The following MYO1E variants were observed in gnomAD, a reference collection of about 807,000 sequenced individuals.
MYO1E encodes the protein unconventional myosin-Ie.
A neutral mutation model predicts 151.1 loss-of-function variants in MYO1E; 68 were observed. The observed-to-expected ratio is 0.45, with a 90% CI of 0.37 to 0.55. MYO1E has a LOEUF of 0.55. MYO1E is among the 20% of genes least tolerant of loss of function. The pLI is 0.00. For missense variants in MYO1E, 1,363 were observed against 1,389.3 expected (o/e 0.98, Z 0.30); for synonymous variants, 601 against 501.7 (o/e 1.20, Z -2.64).
intron 17 of MYO1E, among the ~76,000 whole-genome samples, chr15:59,192,364 T>A (rs1245234987): frequency 6.6e-6 from 1 of 152,112 alleles, no homozygotes; most frequent in Admixed American, 6.5e-5. Context: ...GAATAAAATG[T>A]ACCACTCATT....
intron 14 of MYO1E, chr15:59,207,030 G>A (rs768447612): frequency 2.5e-6 from 4 of 1,614,120 alleles, no homozygotes; most frequent in South Asian, 1.1e-5. Context: ...CCCTGTGTCC[G>A]CGTCAAGCAA....
At chr15:59,206,831 C>T (rs1292107643) in intron 14 of MYO1E, 2 of 1,127,586 alleles carry the variant, frequency 1.8e-6, no homozygotes, top group African/African-American at 1.6e-5. Flanking sequence ...GCGGGGCACG[C>T]GCACCTGCCG....
In MYO1E at chr15:59,132,610, A is replaced by G. The variant is rs1333591061; in HGVS notation, c.*4770T>C. 6.6e-6 allele frequency: 1 copy of G among 152,236 alleles called. No homozygotes were observed. The highest frequency in any genetic ancestry group is 1.5e-5 in the Non-Finnish European group (1 of 68,048). The allele number at this position is 152,236 out of a possible 1,614,324, so 9.4% of individuals were successfully genotyped here. ...TGGCAGAAGTAGAAACCATATCATA[A>G]AAACACGGAAATTAAAAATGAGATG... is the stretch of plus-strand genomic sequence containing the variant. On this transcript the variant is annotated 3_prime_UTR_variant, in exon 28 of 28. Transcript: ENST00000288235.
intron 25 of MYO1E, among the ~76,000 whole-genome samples, chr15:59,155,642 G>C (rs2079505540): frequency 6.6e-6 from 1 of 152,142 alleles, no homozygotes; most frequent in African/African-American, 2.4e-5. Flanking sequence ...TTCTCCACTG[G>C]AACCAGCGCA....
rs1362146325 is a variant in MYO1E at position 59,133,206 on chromosome 15, C to T, written c.*4174G>A. On this transcript the variant is annotated 3_prime_UTR_variant, in exon 28 of 28. Coordinates refer to ENST00000288235, the MANE Select transcript of MYO1E (RefSeq NM_004998.4). ...GACCAGCTGGGCAACACAGGGAGACCCCATCTGTACAAATAATTAGCCGAA... is the reference window on the plus strand; with the variant it reads ...GACCAGCTGGGCAACACAGGGAGACTCCATCTGTACAAATAATTAGCCGAA... 2 of 152,080 alleles carry T rather than the reference C, an allele frequency of 1.3e-5. No individual in the cohort carries two copies. Among genetic ancestry groups the T allele is most frequent in the African/African-American group, 4.8e-5 (2 of 41,420 alleles). The allele number at this position is 152,080 out of a possible 1,614,324, so 9.4% of individuals were successfully genotyped here.
At chr15:59,298,583 C>T (rs947923918) in intron 1 of MYO1E, among the ~76,000 whole-genome samples, 2 of 152,214 alleles carry the variant, frequency 1.3e-5, no homozygotes, top group African/African-American at 4.8e-5. Context: ...TTTCCTCCCT[C>T]GGGGTGCCTG....
chr15:59,209,813 ACCTTTTTTTTTTTT>A (rs1368447844), intron 13 of MYO1E, among the ~76,000 whole-genome samples: 5 of 71,184 alleles, frequency 7.0e-5, no homozygotes, highest in Admixed American at 1.5e-4. Flanking sequence ...ATTTTGAATC[ACCTTTTTTTTTTTT>A]TTTTTTTTTT....
chr15:59,346,263 G>A (rs1401411358), intron 1 of MYO1E, among the ~76,000 whole-genome samples: 4 of 152,128 alleles, frequency 2.6e-5, no homozygotes, highest in Non-Finnish European at 5.9e-5. Flanking sequence ...ACTGCAGGCT[G>A]TGTCCCACCA....
At position 59,313,427 on chromosome 15, in the gene MYO1E, C is replaced by T. The variant is rs185765282; in HGVS notation, c.4-40978G>A. ...TGGGACAAGAAATCTTCTGTACTAA[C>T]GATAAAGTGACTTAATTGTGGTTAT... On this transcript the variant is annotated intron_variant, in intron 1 of 27. Transcript: ENST00000288235. 2.3e-4 allele frequency among the ~76,000 whole-genome samples: 35 copies of T among 152,240 alleles called. No homozygotes were observed. The East Asian group carries it at 2.5e-3, about 11-fold the overall frequency.
At chr15:59,262,202 T>C (rs1187989767) in intron 2 of MYO1E, among the ~76,000 whole-genome samples, 1 of 145,590 alleles carries the variant, frequency 6.9e-6, no homozygotes, top group East Asian at 2.3e-4. Context: ...GTGAGACTCT[T>C]GTCTCCAAAA....
chr15:59,172,017 G>T lies in MYO1E; in HGVS notation c.2360C>A (p.Thr787Asn). The T allele has an allele frequency of 6.2e-7, 1 of 1,614,194 alleles. No individual in the cohort carries two copies. The highest frequency in any genetic ancestry group is 1.3e-5 in the African/African-American group (1 of 75,056). ...TCCGATTAAGTACAAGCACTTTGGG[G>T]TAAGGAGCAGGTCTCGCTTTACACC... ...FKGVKRDLLL[T>N]PKCLYLIGRE... The change falls in exon 22 of 28, where the codon ACC becomes AAC. Residue 787 changes from threonine (T) to asparagine (N), a missense_variant. Physicochemically the swap from Thr to Asn is moderately conservative, Grantham distance 65. Coordinates refer to ENST00000288235, the MANE Select transcript of MYO1E (RefSeq NM_004998.4).
chr15:59,202,066 T>G (rs1019505005), intron 16 of MYO1E, among the ~76,000 whole-genome samples: 16 of 152,350 alleles, frequency 1.1e-4, no homozygotes, highest in Non-Finnish European at 1.9e-4. Context: ...AGCCATTTCC[T>G]CTTAGAAAGT....
intron 26 of MYO1E, among the ~76,000 whole-genome samples, chr15:59,148,671 T>G (rs1026061107): frequency 1.3e-5 from 2 of 152,150 alleles, no homozygotes; most frequent in Admixed American, 6.5e-5. Context: ...TTGATGGAAA[T>G]TTTAAGCCCC....
At chr15:59,364,408 G>A (rs1302131753) in intron 1 of MYO1E, among the ~76,000 whole-genome samples, 4 of 152,182 alleles carry the variant, frequency 2.6e-5, no homozygotes, top group Non-Finnish European at 5.9e-5. Context: ...TCTAGTGGGT[G>A]GAAGGAGGAA....
At chr15:59,321,694 G>T (rs1324095433) in intron 1 of MYO1E, among the ~76,000 whole-genome samples, 1 of 152,104 alleles carries the variant, frequency 6.6e-6, no homozygotes, top group Admixed American at 6.5e-5. Flanking sequence ...CAGGAGAGAG[G>T]GAGGTGGGTA....
At chr15:59,191,332 C>CAGAGACAGAGAGAGAGAGAGAG (rs1191337285) in intron 17 of MYO1E, among the ~76,000 whole-genome samples, 2 of 105,660 alleles carry the variant, frequency 1.9e-5, no homozygotes, top group African/African-American at 6.9e-5. Flanking sequence ...CAGACAGAGA[C>CAGAGACAGAGAGAGAGAGAGAG]AGAGAGAGAG....
At chr15:59,285,274 A>T (rs1311823878) in intron 1 of MYO1E, among the ~76,000 whole-genome samples, 2 of 150,182 alleles carry the variant, frequency 1.3e-5, no homozygotes, top group African/African-American at 4.9e-5. Flanking sequence ...CCTTCATCTC[A>T]GTGGAGGCTG....
chr15:59,327,976 G>A (rs547703795), intron 1 of MYO1E, among the ~76,000 whole-genome samples: 3 of 152,262 alleles, frequency 2.0e-5, no homozygotes, highest in South Asian at 2.1e-4. Context: ...CCAGCACTTC[G>A]GAAGCTGTGT....
At chr15:59,225,623 A>C (rs1004065832) in intron 7 of MYO1E, among the ~76,000 whole-genome samples, 2 of 150,432 alleles carry the variant, frequency 1.3e-5, no homozygotes, top group African/African-American at 4.9e-5. Flanking sequence ...CGTAGCTTCA[A>C]GAATTTCTTT....
Sources: allele counts gnomAD v4.1 joint callset (sites outside exome capture counted in the v4.1 genomes callset), GRCh38; gene constraint gnomAD v4.1.1; transcripts MANE v1.5; gene names NCBI Gene and HGNC (gene_info 2026-07-23, HGNC 2026-07-21).